The following ADD1 variants were observed in gnomAD, a reference collection of about 807,000 sequenced individuals.
The protein encoded by ADD1 is adducin 1, also known as alpha-adducin.
In ADD1, 24 loss-of-function variants were observed where a neutral mutation model predicts 80.5. The ratio of observed to expected loss-of-function variants is 0.30; its 90% CI spans 0.22 to 0.42. The LOEUF (loss-of-function observed/expected upper bound fraction) is 0.42. Ranked by LOEUF, ADD1 falls within the 10% of genes least tolerant of loss-of-function variation. The pLI is 1.00. For missense variants in ADD1, 948 were observed against 1,019.0 expected, an observed-to-expected ratio of 0.93 and a Z score of 0.95; for synonymous variants, 373 against 393.8, an observed-to-expected ratio of 0.95 and a Z score of 0.63.
In ADD1 at chr4:2,928,912, C is replaced by T. The variant is rs1402898517; in HGVS notation, c.*389C>T. 1 of 209,686 alleles carries T rather than the reference C, an allele frequency of 4.8e-6. No individual in the cohort carries two copies. Among genetic ancestry groups the T allele is most frequent in the Non-Finnish European group, 9.3e-6 (1 of 107,510 alleles). 13.0% of individuals were successfully genotyped at this position (209,686 alleles called of 1,614,324 possible). A position where few individuals can be genotyped will look rare whatever the true frequency, so the allele number is the denominator to read the frequency against. Reference sequence around the variant, plus strand: ...ACATTCTGTCTCTGCTTGGCTTCCCCTCCACCCTAAAGTCTCAGGTGACGG... The same window carrying T: ...ACATTCTGTCTCTGCTTGGCTTCCCTTCCACCCTAAAGTCTCAGGTGACGG... On this transcript the variant is annotated 3_prime_UTR_variant, in exon 16 of 16. Coordinates refer to ENST00000683351, the MANE Select transcript of ADD1 (RefSeq NM_001354761.2).
rs770121867 is a variant in ADD1 at position 2,909,435 on chromosome 4, C to T, written c.1791+4C>T. The T allele has an allele frequency of 7.8e-6, 12 of 1,547,178 alleles. No homozygotes were observed. The highest frequency in any genetic ancestry group is 1.7e-4 in the Middle Eastern group (1 of 6,006). On this transcript the variant is annotated splice_donor_region_variant and intron_variant, in intron 13 of 15. Coordinates refer to ENST00000683351, the MANE Select transcript of ADD1 (RefSeq NM_001354761.2). ...TAAATCTCTCTCTTTTAGAAAGGTACTCACTGCCCTGTCCTCACTACCTGT... is the reference window on the plus strand; with the variant it reads ...TAAATCTCTCTCTTTTAGAAAGGTATTCACTGCCCTGTCCTCACTACCTGT...
chr4:2,926,825 C>T lies in ADD1; in HGVS notation c.2047+713C>T. ...TTGTACCCAGTCCCTTGGAGGCCTT[C>T]CTGGAAGTGGTTCAGTCACCTGAGT... is the stretch of plus-strand genomic sequence containing the variant. On this transcript the variant is annotated intron_variant, in intron 15 of 15. Transcript: ENST00000683351. The surrounding 1 kb of genome is among the most constrained non-coding windows in gnomAD (Gnocchi z 5.0). 2.2e-6 allele frequency: 2 copies of T among 889,654 alleles called. No homozygotes were observed. Among genetic ancestry groups the T allele is most frequent in the Admixed American group, 2.5e-5 (1 of 40,106 alleles). 55.1% of individuals were successfully genotyped at this position (889,654 alleles called of 1,614,324 possible).
intron 4 of ADD1, among the ~76,000 whole-genome samples, chr4:2,884,890 C>T (rs983295533): frequency 8.5e-5 from 13 of 152,124 alleles, no homozygotes; most frequent in Non-Finnish European, 1.0e-4. Flanking sequence ...GCGTGCTAAC[C>T]TAATAAAACA....
chr4:2,916,270 A>G (rs1246148094), intron 14 of ADD1, among the ~76,000 whole-genome samples: 2 of 151,594 alleles, frequency 1.3e-5, no homozygotes, highest in Non-Finnish European at 2.9e-5. Context: ...ATCTCAGCTC[A>G]CTGCAATCTC....
At chr4:2,851,551 T>G (rs1727075088) in intron 1 of ADD1, among the ~76,000 whole-genome samples, 1 of 152,266 alleles carries the variant, frequency 6.6e-6, no homozygotes, top group Non-Finnish European at 1.5e-5. Context: ...TTTTTTTGTC[T>G]GATACAGCTG....
intron 1 of ADD1, among the ~76,000 whole-genome samples, chr4:2,870,009 A>C (rs1730173981): frequency 6.6e-6 from 1 of 152,186 alleles, no homozygotes; most frequent in Non-Finnish European, 1.5e-5. Context: ...TTTTACACGG[A>C]GGCTTTCTTT....
chr4:2,855,338 A>G (rs1727901372), intron 1 of ADD1, among the ~76,000 whole-genome samples: 1 of 151,892 alleles, frequency 6.6e-6, no homozygotes, highest in Admixed American at 6.6e-5. Context: ...ATAAATTTGT[A>G]CTTTCTTTAT....
rs1734875831 is a variant in ADD1, at chr4:2,894,609, G to A, written c.619G>A (p.Val207Ile). The A allele has an allele frequency of 1.2e-6, 2 of 1,609,078 alleles. No homozygotes were observed. Among genetic ancestry groups the A allele is most frequent in the South Asian group, 1.1e-5 (1 of 90,150 alleles). The change falls in exon 6 of 16, where the codon GTA (valine) becomes ATA (isoleucine). Residue 207 changes from valine to isoleucine, a missense_variant. Val to Ile is a conservative substitution (Grantham distance 29). Coordinates refer to ENST00000683351, the MANE Select transcript of ADD1 (RefSeq NM_001354761.2). ...TAAGATCAATCTACAAGGAGATATA[G>A]TAGATCGTGGAAGCACTAATCTGGG... ...LVKINLQGDI[V>I]DRGSTNLGVN...
intron 4 of ADD1, among the ~76,000 whole-genome samples, chr4:2,887,102 T>C (rs1733502791): frequency 1.3e-5 from 2 of 152,232 alleles, no homozygotes; most frequent in East Asian, 1.9e-4. Context: ...AATTATCTCC[T>C]TGGGGCTTAA....
rs1230922624 is a variant in ADD1, at chr4:2,928,377, G to A, written c.2254G>A (p.Glu752Lys). The change falls in exon 16 of 16, where the codon GAA (glutamate) becomes AAA (lysine). Residue 752 changes from glutamate to lysine, a missense_variant. Glu to Lys is a moderately conservative substitution (Grantham distance 56). Transcript: ENST00000683351. ...AGCCCCAGACCCAGCCCCGGTGGCT[G>A]AAGAGGCTGCCCCCTCAGCTGTCGA... Reference protein sequence around the residue: ...EPAPDPAPVAEEAAPSAVEEG... With the variant: ...EPAPDPAPVAKEAAPSAVEEG... 6.2e-7 allele frequency: 1 copy of A among 1,613,398 alleles called. No individual in the cohort carries two copies. Among genetic ancestry groups the A allele is most frequent in the Admixed American group, 1.7e-5 (1 of 59,922 alleles).
At chr4:2,916,123 T>G (rs1384070224) in intron 14 of ADD1, among the ~76,000 whole-genome samples, 1 of 151,672 alleles carries the variant, frequency 6.6e-6, no homozygotes, top group African/African-American at 2.4e-5. Context: ...CACAAAAGAA[T>G]TCACTAATTT....
chr4:2,919,052 G>T (rs1021695133), intron 14 of ADD1, among the ~76,000 whole-genome samples: 17 of 151,988 alleles, frequency 1.1e-4, no homozygotes, highest in Non-Finnish European at 1.9e-4. Flanking sequence ...TGTTGGCCAG[G>T]ATGGTCTCGA....
intron 14 of ADD1, among the ~76,000 whole-genome samples, chr4:2,922,387 A>G (rs925501114): frequency 1.4e-4 from 21 of 152,184 alleles, no homozygotes; most frequent in African/African-American, 4.8e-4. Flanking sequence ...CTTCTAACAG[A>G]CAGGCTCCTC....
intron 4 of ADD1, among the ~76,000 whole-genome samples, chr4:2,891,097 C>T (rs1734227608): frequency 6.7e-6 from 1 of 149,044 alleles, no homozygotes; most frequent in African/African-American, 2.5e-5. Context: ...CCAGCTTGGG[C>T]AACATAGTGA....
chr4:2,869,924 G>A (rs1337413319), intron 1 of ADD1, among the ~76,000 whole-genome samples: 1 of 152,132 alleles, frequency 6.6e-6, no homozygotes, highest in East Asian at 1.9e-4. Context: ...TTCCCACGGA[G>A]CAGTAATTCA....
chr4:2,924,053 C>T (rs536991597), intron 14 of ADD1, among the ~76,000 whole-genome samples: 26 of 152,300 alleles, frequency 1.7e-4, no homozygotes, highest in African/African-American at 3.4e-4. Flanking sequence ...GGTCACAGGC[C>T]GGAGGGTGAA....
At chr4:2,848,802 G>A (rs1162603722) in intron 1 of ADD1, among the ~76,000 whole-genome samples, 1 of 152,106 alleles carries the variant, frequency 6.6e-6, no homozygotes, top group Non-Finnish European at 1.5e-5. Flanking sequence ...ACTGTTATAA[G>A]CAGTGCTCCA....
In ADD1 at chr4:2,895,465, G is replaced by A. The variant is rs1350114557; in HGVS notation, c.741+734G>A. Among the ~76,000 whole-genome samples, 3 of 152,038 alleles carry A rather than the reference G, an allele frequency of 2.0e-5. 1 individual carries two copies. Among genetic ancestry groups the A allele is most frequent in the Non-Finnish European group, 4.4e-5 (3 of 68,000 alleles). On this transcript the variant is annotated intron_variant, in intron 6 of 15. Transcript: ENST00000683351. ...GGGGAAGGGTGTTTGGGGTGTGGGA[G>A]ACTTGAACGTGAGGACAGTCTGTGG...
rs1560139031 is a variant in ADD1, at chr4:2,852,262, C to CT, written c.-21+8240dup. Among the ~76,000 whole-genome samples the CT allele has an allele frequency of 7.0e-3, 545 of 77,962 alleles. 9 individuals carry two copies. The highest frequency in any genetic ancestry group is 9.8e-3 in the Non-Finnish European group (350 of 35,658). The allele number at this position is 77,962 out of a possible 152,430, so 51.1% of individuals were successfully genotyped here. On this transcript the variant is annotated intron_variant, in intron 1 of 15. Transcript: ENST00000683351. ...TTCTTTCTTTCTCTTTCTTTCTTTC[C>CT]TTCCTTCCTTCCTTCCTTCTTTTCT...
Sources: gnomAD v4.1 joint callset for allele counts (sites outside exome capture counted in the v4.1 genomes callset) on GRCh38, gnomAD v4.1.1 for gene constraint, Gnocchi (gnomAD v3.1) non-coding constraint, MANE v1.5 for transcripts, NCBI Gene and HGNC (gene_info 2026-07-23, HGNC 2026-07-21) for gene names.